The following PAX5 variants were observed in gnomAD, a reference collection of about 807,000 sequenced individuals.
PAX5 encodes the protein paired box protein Pax-5.
A neutral mutation model predicts 43.7 loss-of-function variants in PAX5; 9 were observed. That is an observed-to-expected ratio of 0.21 (90% CI 0.12 to 0.36). The LOEUF (loss-of-function observed/expected upper bound fraction) is 0.36. Among genes scored for constraint, PAX5 ranks in the 10% least tolerant of loss-of-function variants. The pLI is 1.00. For missense variants in PAX5, 383 were observed against 532.7 expected, an observed-to-expected ratio of 0.72 and a Z score of 2.77; for synonymous variants, 228 against 214.3, an observed-to-expected ratio of 1.06 and a Z score of -0.56.
In PAX5 at chr9:36,978,786, T is replaced by C. The variant is rs571168809; in HGVS notation, c.605-12062A>G. On this transcript the variant is annotated intron_variant, in intron 5 of 9. Transcript: ENST00000358127. The stretch of plus-strand genomic sequence containing the variant: ...TCAGAGATCCAAAAATACTTTTCAT[T>C]TGGAGAAGATATCAGGCCATTTCGA... 2.0e-5 allele frequency among the ~76,000 whole-genome samples: 3 copies of C among 152,282 alleles called. No individual in the cohort carries two copies. In the East Asian group the frequency reaches 5.8e-4, roughly 29 times the overall value.
chr9:37,007,402 A>G (rs1284391101), intron 3 of PAX5: 2 of 152,258 alleles, frequency 1.3e-5, no homozygotes, highest in African/African-American at 4.8e-5. Context: ...AGATAATAGC[A>G]GTACTGCCTT....
At chr9:36,877,864 G>A (rs1826056129) in intron 8 of PAX5, among the ~76,000 whole-genome samples, 1 of 152,190 alleles carries the variant, frequency 6.6e-6, no homozygotes, top group Non-Finnish European at 1.5e-5. Flanking sequence ...ATCTTGCGAT[G>A]GGGAGATCAT....
intron 7 of PAX5, among the ~76,000 whole-genome samples, chr9:36,895,489 T>A (rs1246990414): frequency 1.3e-5 from 2 of 152,320 alleles, no homozygotes; most frequent in East Asian, 3.9e-4. Context: ...TACTAGTTGT[T>A]CTATAACCTT....
At chr9:36,967,722 G>A (rs1367360136) in intron 5 of PAX5, among the ~76,000 whole-genome samples, 1 of 152,224 alleles carries the variant, frequency 6.6e-6, no homozygotes, top group East Asian at 1.9e-4. Flanking sequence ...GGTAGGAAGT[G>A]AGTGAGTGGA....
intron 9 of PAX5, among the ~76,000 whole-genome samples, chr9:36,845,659 A>T (rs1170388464): frequency 6.6e-6 from 1 of 152,164 alleles, no homozygotes; most frequent in Non-Finnish European, 1.5e-5. Flanking sequence ...AGGTCCCAAG[A>T]GCATGGAATG....
chr9:36,932,645 T>G (rs1831223887), intron 6 of PAX5, among the ~76,000 whole-genome samples: 1 of 152,182 alleles, frequency 6.6e-6, no homozygotes, highest in African/African-American at 2.4e-5. Flanking sequence ...CAAACTGTGG[T>G]GATAGTTGCA....
At chr9:36,940,499 C>T (rs891721321) in intron 6 of PAX5, among the ~76,000 whole-genome samples, 1 of 152,134 alleles carries the variant, frequency 6.6e-6, no homozygotes, top group Non-Finnish European at 1.5e-5. Flanking sequence ...CAGTGAGGCG[C>T]GGTAAATCAC....
intron 7 of PAX5, among the ~76,000 whole-genome samples, chr9:36,918,342 T>C (rs1160974294): frequency 2.0e-5 from 3 of 152,112 alleles, no homozygotes; most frequent in African/African-American, 4.8e-5. Context: ...ATTGCTGATA[T>C]GGAGAAAGTT....
At chr9:36,841,320 G>T (rs1241135585) in intron 9 of PAX5, among the ~76,000 whole-genome samples, 1 of 152,170 alleles carries the variant, frequency 6.6e-6, no homozygotes, top group African/African-American at 2.4e-5. Flanking sequence ...AAACCTATGG[G>T]GTAGGCACAG....
At position 36,837,616 on chromosome 9, in the gene PAX5, G is replaced by A. The variant is rs554034740; in HGVS notation, c.*2944C>T. ...CTCCCAGGCAGCTCCGCTGGACCAC[G>A]AGGTGCTGTGAATTGGTGAGAGCGG... On this transcript the variant is annotated 3_prime_UTR_variant, in exon 10 of 10. Coordinates refer to ENST00000358127, the MANE Select transcript of PAX5 (RefSeq NM_016734.3). The A allele has an allele frequency of 1.1e-4, 25 of 233,324 alleles. 1 individual carries two copies. The South Asian group carries it at 3.6e-3, about 34-fold the overall frequency. The allele number at this position is 233,324 out of a possible 1,614,324, so 14.5% of individuals were successfully genotyped here.
Position 36,869,859 on chromosome 9 carries a change from GATGGATGGATGGATAA to G in PAX5, c.1012+12129_1012+12144del, listed in dbSNP as rs543328295. ...GGATGGATGGATAAATGGATGGATG[GATGGATGGATGGATAA>G]ATGGATGGATGGATGGATAAATGGA... is the stretch of plus-strand genomic sequence containing the variant. On this transcript the variant is annotated intron_variant, in intron 8 of 9. Transcript: ENST00000358127. Among the ~76,000 whole-genome samples, 1,017 of 147,078 alleles carry G rather than the reference GATGGATGGATGGATAA, an allele frequency of 6.9e-3. 6 individuals carry two copies. Among genetic ancestry groups the G allele is most frequent in the African/African-American group, 9.7e-3 (380 of 39,070 alleles).
intron 5 of PAX5, among the ~76,000 whole-genome samples, chr9:36,992,720 G>T (rs1307406105): frequency 6.6e-6 from 1 of 152,206 alleles, no homozygotes; most frequent in Admixed American, 6.5e-5. Flanking sequence ...AAGAACAGGA[G>T]AAATGACTGA....
At chr9:37,025,442 G>T (rs1000018963) in intron 1 of PAX5, among the ~76,000 whole-genome samples, 1 of 152,152 alleles carries the variant, frequency 6.6e-6, no homozygotes, top group Non-Finnish European at 1.5e-5. Context: ...CGGGGTGGGA[G>T]GACCAGGCAT....
intron 9 of PAX5, among the ~76,000 whole-genome samples, chr9:36,843,099 T>TGTGTGTGA (rs1587726300): frequency 6.6e-6 from 1 of 151,802 alleles, no homozygotes; most frequent in Non-Finnish European, 1.5e-5. Flanking sequence ...TGTGCGTGTG[T>TGTGTGTGA]GTGTGTGAGT....
chr9:36,946,857 G>A (rs974826677), intron 6 of PAX5, among the ~76,000 whole-genome samples: 1 of 152,228 alleles, frequency 6.6e-6, no homozygotes, highest in Non-Finnish European at 1.5e-5. Context: ...GCTGCTTCCC[G>A]CTCCTTTGCT....
At chr9:37,011,379 C>T (rs955796110) in intron 3 of PAX5, among the ~76,000 whole-genome samples, 1 of 152,182 alleles carries the variant, frequency 6.6e-6, no homozygotes, top group Non-Finnish European at 1.5e-5. Flanking sequence ...CCCAACAATA[C>T]TGGCCTCACG....
intron 8 of PAX5, among the ~76,000 whole-genome samples, chr9:36,864,002 G>C (rs577410402): frequency 6.6e-6 from 1 of 152,152 alleles, no homozygotes; most frequent in Admixed American, 6.5e-5. Context: ...CCAGCTACTC[G>C]GGAGGCTGAG....
chr9:36,928,067 C>A (rs1830798671), intron 6 of PAX5, among the ~76,000 whole-genome samples: 1 of 152,246 alleles, frequency 6.6e-6, no homozygotes, highest in South Asian at 2.1e-4. Context: ...AGCCTCTCTT[C>A]TTTGGTGGGA....
intron 7 of PAX5, among the ~76,000 whole-genome samples, chr9:36,912,725 CTGAGGA>C (rs1829402714): frequency 6.6e-6 from 1 of 152,182 alleles, no homozygotes; most frequent in Non-Finnish European, 1.5e-5. Context: ...AACGTCTGCT[CTGAGGA>C]AGGCTGGGAC....
Sources: allele counts gnomAD v4.1 joint callset (sites outside exome capture counted in the v4.1 genomes callset), GRCh38; gene constraint gnomAD v4.1.1; transcripts MANE v1.5; gene names NCBI Gene and HGNC (gene_info 2026-07-23, HGNC 2026-07-21).